MAP3K15: variants seen among roughly 807,000 people sequenced by gnomAD.
MAP3K15 encodes MAPK/ERK kinase kinase 15.
A neutral mutation model predicts 99.5 loss-of-function variants in MAP3K15; 124 were observed. The ratio of observed to expected loss-of-function variants is 1.25; its 90% CI spans 1.08 to 1.45. The LOEUF (loss-of-function observed/expected upper bound fraction) is 1.45. Ranked by LOEUF, MAP3K15 falls within the 40% of genes most tolerant of loss-of-function variation. The pLI is 0.00. For synonymous variants in MAP3K15, 494 were observed against 439.6 expected (o/e 1.12, Z -1.55); for missense variants, 1,242 against 1,079.7 (o/e 1.15, Z -2.11).
intron 7 of MAP3K15, among the ~76,000 whole-genome samples, chrX:19,427,932 T>C (rs1189144816): frequency 1.8e-5 from 2 of 109,798 alleles, no homozygotes; most frequent in East Asian, 2.9e-4. Context: ...TTTTTTCCTG[T>C]GTGTTTTGGG....
At chrX:19,505,057 AT>A (rs1451072518) in intron 1 of MAP3K15, among the ~76,000 whole-genome samples, 1 of 111,044 alleles carries the variant, frequency 9.0e-6, no homozygotes, top group South Asian at 3.8e-4. Flanking sequence ...TATGTAAAAA[AT>A]AATAATAAAA....
intron 15 of MAP3K15, 105 bp downstream of exon 15, chrX:19,398,121 T>C: frequency 1.1e-6 from 1 of 921,895 alleles, no homozygotes. Flanking sequence ...GGTTTTGTGG[T>C]AACACAATGC....
chrX:19,444,747 A>G (rs192783982), intron 6 of MAP3K15, among the ~76,000 whole-genome samples: 186 of 112,153 alleles, frequency 1.7e-3, no homozygotes, highest in African/African-American at 5.8e-3. Context: ...TCAGAAATTG[A>G]TATTTCAAGA....
Position 19,398,365 on chromosome X carries a change from G to A in MAP3K15, c.1933-6C>T, listed in dbSNP as rs1176448881. The A allele has an allele frequency of 1.7e-6, 2 of 1,209,783 alleles. No individual in the cohort carries two copies. Among genetic ancestry groups the A allele is most frequent in the African/African-American group, 1.7e-5 (1 of 57,686 alleles). ...GCATCATGGTCATACTCATACTGAA[G>A]AAGGAAAAACAAAAGGACAAAAAAG... On this transcript the variant is annotated splice_region_variant and splice_polypyrimidine_tract_variant and intron_variant, in intron 14 of 28. Coordinates refer to ENST00000338883, the MANE Select transcript of MAP3K15 (RefSeq NM_001001671.4).
intron 7 of MAP3K15, among the ~76,000 whole-genome samples, chrX:19,428,490 A>C (rs951670679): frequency 8.9e-6 from 1 of 111,932 alleles, no homozygotes; most frequent in Non-Finnish European, 1.9e-5. Flanking sequence ...TTAAAAAAAG[A>C]AAATGAGGTC....
At chrX:19,385,970 G>T (rs1422997007) in intron 18 of MAP3K15, among the ~76,000 whole-genome samples, 1 of 111,847 alleles carries the variant, frequency 8.9e-6, no homozygotes, top group Non-Finnish European at 1.9e-5. Context: ...TCCACTCTCA[G>T]AACAGCTAAC....
rs767298008 is a variant in MAP3K15 at position 19,447,611 on chromosome X, C to T, written c.995+9302G>A. Among the ~76,000 whole-genome samples the T allele has an allele frequency of 5.5e-5, 6 of 109,524 alleles. No individual in the cohort carries two copies. In the East Asian group the frequency reaches 1.4e-3, roughly 26 times the overall value. ...AGAAACTCACCCACGAGGCCGGGCG[C>T]GGTGGCTCACGCCTGTAATCCCAGC... On this transcript the variant is annotated intron_variant, in intron 6 of 28. Transcript: ENST00000338883.
intron 6 of MAP3K15, among the ~76,000 whole-genome samples, chrX:19,441,664 C>T (rs189663072): frequency 1.8e-5 from 2 of 111,337 alleles, no homozygotes; most frequent in African/African-American, 6.5e-5. Context: ...TGCCATGTTG[C>T]CCAAGCTAGT....
chrX:19,375,598 C>A (rs1274289424), intron 19 of MAP3K15, among the ~76,000 whole-genome samples: 1 of 112,257 alleles, frequency 8.9e-6, no homozygotes, highest in African/African-American at 3.2e-5. Context: ...GTTTCACAGT[C>A]CACCCTGTGT....
chrX:19,361,834 C>A, intron 26 of MAP3K15: 1 of 300,460 alleles, frequency 3.3e-6, no homozygotes, highest in Non-Finnish European at 5.8e-6. Flanking sequence ...GTTAGGTCTA[C>A]CACTTTAAAT....
At chrX:19,430,111 C>G (rs954491152) in intron 7 of MAP3K15, among the ~76,000 whole-genome samples, 1 of 112,225 alleles carries the variant, frequency 8.9e-6, no homozygotes, top group Non-Finnish European at 1.9e-5. Flanking sequence ...CTTTGCTATT[C>G]CTCCTAGCCA....
intron 1 of MAP3K15, among the ~76,000 whole-genome samples, chrX:19,489,372 A>C (rs1270739877): frequency 9.0e-6 from 1 of 111,196 alleles, no homozygotes. Flanking sequence ...CCCCTCCCTG[A>C]TCACATCTCC....
In MAP3K15 at chrX:19,392,475, T is replaced by C. The variant is rs758814694; in HGVS notation, c.2195-2A>G. The C allele has an allele frequency of 8.3e-7, 1 of 1,200,162 alleles. No homozygotes were observed. Among genetic ancestry groups the C allele is most frequent in the Non-Finnish European group, 1.1e-6 (1 of 891,629 alleles). ...ATCGCAGAAGAGCAGAAAGGCTTCC[T>C]AGAGACAGTCACAGCAAAAAACTTA... On this transcript the variant is annotated splice_acceptor_variant, in intron 16 of 28. Transcript: ENST00000338883. LOFTEE classifies it high-confidence loss of function.
chrX:19,415,667 A>G (rs1390359114), intron 9 of MAP3K15, among the ~76,000 whole-genome samples: 1 of 110,973 alleles, frequency 9.0e-6, no homozygotes, highest in African/African-American at 3.3e-5. Flanking sequence ...TGTTCTGGAG[A>G]CGTGCGACAA....
At chrX:19,373,381 T>G (rs911072859) in intron 21 of MAP3K15, among the ~76,000 whole-genome samples, 155 bp downstream of exon 21, 2 of 110,847 alleles carry the variant, frequency 1.8e-5, no homozygotes, top group African/African-American at 6.6e-5. Flanking sequence ...AGCACCCTCC[T>G]TGCCGGGATG....
chrX:19,430,606 T>C (rs1350302736), intron 7 of MAP3K15, among the ~76,000 whole-genome samples: 1 of 111,576 alleles, frequency 9.0e-6, no homozygotes, highest in Non-Finnish European at 1.9e-5. Context: ...TTAAAATGCA[T>C]GTCCAATCTT....
intron 1 of MAP3K15, among the ~76,000 whole-genome samples, chrX:19,512,397 A>G (rs2064525563): frequency 8.9e-6 from 1 of 112,120 alleles, no homozygotes. Flanking sequence ...GCATTGTTCA[A>G]TAGGACCTTC....
chrX:19,375,901 C>T, intron 19 of MAP3K15, among the ~76,000 whole-genome samples: 1 of 112,428 alleles, frequency 8.9e-6, no homozygotes, highest in Non-Finnish European at 1.9e-5. Flanking sequence ...GGTGAAATCC[C>T]ACCCACCGCC....
At chrX:19,442,717 C>T (rs760823960) in intron 6 of MAP3K15, among the ~76,000 whole-genome samples, 91 of 98,642 alleles carry the variant, frequency 9.2e-4, no homozygotes, top group African/African-American at 2.7e-3. Context: ...TTATTATTAT[C>T]ATTATTATTA....
Sources: allele counts gnomAD v4.1 joint callset (sites outside exome capture counted in the v4.1 genomes callset), GRCh38; gene constraint gnomAD v4.1.1; transcripts MANE v1.5; gene names NCBI Gene and HGNC (gene_info 2026-07-23, HGNC 2026-07-21).